The following ULK4 variants were observed in gnomAD, a reference collection of about 807,000 sequenced individuals.
ULK4 encodes unc-51 like kinase 4.
In ULK4, 133 loss-of-function variants were observed where a neutral mutation model predicts 160.6. The observed-to-expected ratio is 0.83, with a 90% CI of 0.72 to 0.96. ULK4 has a LOEUF of 0.96. Among genes scored for constraint, ULK4 ranks in the 40% least tolerant of loss-of-function variants. The pLI is 0.00. For missense variants in ULK4, 1,580 were observed against 1,499.5 expected, an observed-to-expected ratio of 1.05 and a Z score of -0.89; for synonymous variants, 534 against 539.8, an observed-to-expected ratio of 0.99 and a Z score of 0.15.
At chr3:41,374,780 T>A (rs558748365) in intron 35 of ULK4, among the ~76,000 whole-genome samples, 1 of 152,310 alleles carries the variant, frequency 6.6e-6, no homozygotes, top group Non-Finnish European at 1.5e-5. Context: ...TTGGAAGTTC[T>A]GGCCAGGGCA....
chr3:41,579,222 G>T (rs939562220), intron 31 of ULK4, among the ~76,000 whole-genome samples: 2 of 152,184 alleles, frequency 1.3e-5, no homozygotes, highest in African/African-American at 4.8e-5. Flanking sequence ...GGGTTTATAT[G>T]TCGAAATGGC....
chr3:41,547,719 C>T (rs961110529), intron 32 of ULK4, among the ~76,000 whole-genome samples: 17 of 152,220 alleles, frequency 1.1e-4, no homozygotes, highest in African/African-American at 3.4e-4. Context: ...CCCAATAGCC[C>T]CTAAATCTCT....
intron 2 of ULK4, among the ~76,000 whole-genome samples, chr3:41,946,408 G>A (rs1463590390): frequency 6.6e-6 from 1 of 152,184 alleles, no homozygotes; most frequent in East Asian, 1.9e-4. Context: ...GGAGAGGGCA[G>A]GAGGCACTTT....
At chr3:41,911,689 A>G in intron 9 of ULK4, 30 bp from the exon 10 acceptor site, 1 of 1,541,682 alleles carries the variant, frequency 6.5e-7, no homozygotes, top group South Asian at 1.1e-5. Flanking sequence ...ACACAATCAA[A>G]CTTACTTTGG....
chr3:41,900,389 G>A (rs1003082412), intron 13 of ULK4, among the ~76,000 whole-genome samples: 5 of 152,078 alleles, frequency 3.3e-5, no homozygotes, highest in South Asian at 2.1e-4. Flanking sequence ...TAGTGCATAC[G>A]GAGAAACAAA....
chr3:41,710,790 C>G (rs2037067479), intron 25 of ULK4, among the ~76,000 whole-genome samples: 1 of 125,296 alleles, frequency 8.0e-6, no homozygotes, highest in East Asian at 2.1e-4. Flanking sequence ...AGACTCTTGT[C>G]TCAAAAAAAA....
intron 27 of ULK4, chr3:41,687,817 C>A (rs1404906073): frequency 3.9e-5 from 6 of 152,204 alleles, no homozygotes; most frequent in African/African-American, 1.4e-4. Context: ...AGGCTATATT[C>A]CTGATAATGT....
intron 34 of ULK4, 49 bp downstream of exon 34, chr3:41,455,448 T>C: frequency 2.0e-6 from 3 of 1,515,770 alleles, no homozygotes; most frequent in South Asian, 1.2e-5. Context: ...TCAAATAAAA[T>C]TACTTCAACT....
At chr3:41,522,222 G>T (rs1313588695) in intron 32 of ULK4, among the ~76,000 whole-genome samples, 2 of 151,620 alleles carry the variant, frequency 1.3e-5, no homozygotes, top group East Asian at 3.9e-4. Flanking sequence ...TGCCTTCTGG[G>T]TTCAAGTAAT....
intron 34 of ULK4, among the ~76,000 whole-genome samples, chr3:41,441,887 T>C (rs748163562): frequency 6.6e-6 from 1 of 152,214 alleles, no homozygotes; most frequent in Admixed American, 6.5e-5. Context: ...TTAGGTCTAT[T>C]TGATTGACTA....
intron 34 of ULK4, among the ~76,000 whole-genome samples, chr3:41,402,987 C>T (rs1182964139): frequency 6.6e-6 from 1 of 151,998 alleles, no homozygotes; most frequent in Non-Finnish European, 1.5e-5. Flanking sequence ...CCCGTCTCTA[C>T]TGAAAATACA....
At chr3:41,760,037 C>T (rs1301828748) in intron 21 of ULK4, among the ~76,000 whole-genome samples, 1 of 151,912 alleles carries the variant, frequency 6.6e-6, no homozygotes, top group East Asian at 1.9e-4. Flanking sequence ...AAAAGACAAG[C>T]CACATACTGA....
At chr3:41,884,429 A>G (rs567329060) in intron 16 of ULK4, among the ~76,000 whole-genome samples, 52 of 152,348 alleles carry the variant, frequency 3.4e-4, no homozygotes, top group African/African-American at 1.2e-3. Context: ...AAGTTTTTAA[A>G]TATTGTTATT....
At chr3:41,359,848 T>A (rs2081106731) in intron 35 of ULK4, among the ~76,000 whole-genome samples, 2 of 152,226 alleles carry the variant, frequency 1.3e-5, no homozygotes, top group South Asian at 4.2e-4. Context: ...GGCAATACCA[T>A]TCAGGACACA....
At chr3:41,602,301 GAA>G (rs751108562) in intron 31 of ULK4, among the ~76,000 whole-genome samples, 20 of 128,662 alleles carry the variant, frequency 1.6e-4, no homozygotes, top group African/African-American at 3.9e-4. Flanking sequence ...GAAAGGAAAG[GAA>G]AGGAAAGGAA....
At chr3:41,702,848 T>G (rs77194028) in intron 27 of ULK4, among the ~76,000 whole-genome samples, 7,428 of 145,564 alleles carry the variant, frequency 0.051, 386 homozygotes, top group African/African-American at 0.15. Context: ...TTGTTTGTTT[T>G]TTTTTGGTTT....
At chr3:41,264,799 T>C (rs2079001796) in intron 35 of ULK4, among the ~76,000 whole-genome samples, 1 of 152,340 alleles carries the variant, frequency 6.6e-6, no homozygotes, top group East Asian at 1.9e-4. Flanking sequence ...GGTGGAATTT[T>C]TACGTGAAGT....
intron 22 of ULK4, among the ~76,000 whole-genome samples, chr3:41,752,985 AG>A (rs1376784092): frequency 1.3e-5 from 2 of 152,122 alleles, no homozygotes; most frequent in Non-Finnish European, 2.9e-5. Context: ...AGCTGAGGCA[AG>A]AGAATCACTC....
chr3:41,926,715 A>G (rs1424189807), intron 5 of ULK4, among the ~76,000 whole-genome samples: 1 of 152,224 alleles, frequency 6.6e-6, no homozygotes, highest in Non-Finnish European at 1.5e-5. Context: ...ACAAGTATCA[A>G]TAGCCAAATA....
Sources: allele counts gnomAD v4.1 joint callset (sites outside exome capture counted in the v4.1 genomes callset), GRCh38; gene constraint gnomAD v4.1.1; transcripts MANE v1.5; gene names NCBI Gene and HGNC (gene_info 2026-07-23, HGNC 2026-07-21).